Variants in SHISA6 observed in about 807,000 individuals in gnomAD.
The protein encoded by SHISA6 is shisa family member 6.
Under a neutral mutation model 47.9 loss-of-function variants are expected in SHISA6, and 22 were observed. The observed-to-expected ratio is 0.46, with a 90% CI of 0.33 to 0.66. The LOEUF is 0.66. Among genes scored for constraint, SHISA6 ranks in the 30% least tolerant of loss-of-function variants. SHISA6 has a pLI of 0.02. For synonymous variants in SHISA6, 388 were observed against 337.8 expected, an observed-to-expected ratio of 1.15 and a Z score of -1.63; for missense variants, 680 against 764.6, an observed-to-expected ratio of 0.89 and a Z score of 1.30.
chr17:11,352,536 C>T (rs2142221975), intron 2 of SHISA6, among the ~76,000 whole-genome samples: 1 of 152,292 alleles, frequency 6.6e-6, no homozygotes, highest in Admixed American at 6.5e-5. Context: ...TGTGAGCTTT[C>T]AGCAGTGGAG....
At chr17:11,460,771 G>A (rs945977779) in intron 3 of SHISA6, among the ~76,000 whole-genome samples, 2 of 152,198 alleles carry the variant, frequency 1.3e-5, no homozygotes, top group African/African-American at 4.8e-5. Context: ...ATTGGGGCCT[G>A]AGACATTGAG....
At chr17:11,361,114 A>T (rs891744632) in intron 2 of SHISA6, among the ~76,000 whole-genome samples, 2 of 151,536 alleles carry the variant, frequency 1.3e-5, no homozygotes, top group Non-Finnish European at 2.9e-5. Context: ...TAATTATCAT[A>T]GCCTTACGTC....
At chr17:11,333,253 A>G (rs998124536) in intron 2 of SHISA6, among the ~76,000 whole-genome samples, 1 of 152,166 alleles carries the variant, frequency 6.6e-6, no homozygotes, top group African/African-American at 2.4e-5. Context: ...GTGTGGAACT[A>G]TAAGAAATAG....
intron 3 of SHISA6, among the ~76,000 whole-genome samples, chr17:11,433,124 C>A (rs539438242): frequency 1.4e-4 from 21 of 152,242 alleles, no homozygotes; most frequent in African/African-American, 4.8e-4. Flanking sequence ...GGTACATGCG[C>A]AGAATGTGCA....
chr17:11,339,949 T>C (rs900463050), intron 2 of SHISA6, among the ~76,000 whole-genome samples: 1 of 152,134 alleles, frequency 6.6e-6, no homozygotes, highest in Non-Finnish European at 1.5e-5. Context: ...GAATTGGTAC[T>C]AAAGGAGGAC....
chr17:11,296,911 A>T (rs1020170046), intron 2 of SHISA6, among the ~76,000 whole-genome samples: 7 of 152,180 alleles, frequency 4.6e-5, no homozygotes, highest in Admixed American at 2.6e-4. Flanking sequence ...GTGTAAAGCC[A>T]TGGAGGGGCT....
At chr17:11,515,682 T>C (rs909346741) in intron 3 of SHISA6, among the ~76,000 whole-genome samples, 1 of 151,988 alleles carries the variant, frequency 6.6e-6, no homozygotes, top group African/African-American at 2.4e-5. Flanking sequence ...TCCATGTGGG[T>C]CAGACGCTGA....
chr17:11,378,013 C>A (rs1912867800), intron 2 of SHISA6, among the ~76,000 whole-genome samples: 1 of 152,326 alleles, frequency 6.6e-6, no homozygotes, highest in African/African-American at 2.4e-5. Flanking sequence ...AGGTTTTAAG[C>A]CCCACATGCA....
intron 2 of SHISA6, among the ~76,000 whole-genome samples, chr17:11,291,994 G>A (rs767983061): frequency 1.3e-4 from 20 of 152,106 alleles, no homozygotes; most frequent in Non-Finnish European, 1.8e-4. Context: ...GGACATATGC[G>A]TTACCTCACA....
intron 2 of SHISA6, among the ~76,000 whole-genome samples, chr17:11,341,580 C>T (rs1218030837): frequency 1.3e-5 from 2 of 152,004 alleles, no homozygotes; most frequent in African/African-American, 2.4e-5. Context: ...AGTGATCTCC[C>T]GCCTCAGCCT....
At chr17:11,557,722 T>C (rs2071994883) in intron 5 of SHISA6, 32 bp from the exon 6 acceptor site, 5 of 1,506,860 alleles carry the variant, frequency 3.3e-6, no homozygotes, top group East Asian at 2.5e-5. Context: ...GTCACCCCAG[T>C]TGCCTTCTCT....
intron 3 of SHISA6, among the ~76,000 whole-genome samples, chr17:11,455,580 C>T (rs1391436384): frequency 6.6e-6 from 1 of 152,116 alleles, no homozygotes; most frequent in Admixed American, 6.6e-5. Context: ...GAGCGTCACA[C>T]CCAAATGGCA....
At chr17:11,411,752 G>A (rs1157293719) in intron 3 of SHISA6, among the ~76,000 whole-genome samples, 1 of 152,168 alleles carries the variant, frequency 6.6e-6, no homozygotes, top group East Asian at 1.9e-4. Flanking sequence ...GGCTGGCATG[G>A]AGAACCTCTG....
chr17:11,554,747 TCTGTGAAGCA>T (rs1270981383), intron 4 of SHISA6, among the ~76,000 whole-genome samples: 3 of 152,048 alleles, frequency 2.0e-5, no homozygotes, highest in South Asian at 4.2e-4. Flanking sequence ...CCTCCTCAAG[TCTGTGAAGCA>T]CTGAGGCATG....
rs183805797 is a variant in SHISA6 at position 11,403,205 on chromosome 17, T to C, written c.895+23696T>C. On this transcript the variant is annotated intron_variant, in intron 3 of 5. Transcript: ENST00000441885. ...ATCCTTTCCAATAAATGTACATGAT[T>C]AGAATCACTCAAGTTTTTAGGGAGT... Among the ~76,000 whole-genome samples, 231 of 152,326 alleles carry C rather than the reference T, an allele frequency of 1.5e-3. 1 individual carries two copies. Among genetic ancestry groups the C allele is most frequent in the Non-Finnish European group, 2.5e-3 (169 of 68,034 alleles).
intron 3 of SHISA6, among the ~76,000 whole-genome samples, chr17:11,423,604 CA>C (rs1363616126): frequency 6.6e-6 from 1 of 151,480 alleles, no homozygotes; most frequent in African/African-American, 2.4e-5. Flanking sequence ...TCAGTAGAAG[CA>C]AAAGCAGAAA....
chr17:11,296,157 A>G (rs1414663382), intron 2 of SHISA6, among the ~76,000 whole-genome samples: 2 of 152,092 alleles, frequency 1.3e-5, no homozygotes, highest in Non-Finnish European at 2.9e-5. Flanking sequence ...AGAATTATAC[A>G]TGCTGCAGGA....
chr17:11,452,189 T>C (rs1915417526), intron 3 of SHISA6, among the ~76,000 whole-genome samples: 1 of 152,246 alleles, frequency 6.6e-6, no homozygotes, highest in Admixed American at 6.5e-5. Context: ...AAGCAATTAA[T>C]CCAGGTCTCC....
In SHISA6 at chr17:11,430,956, A is replaced by T. The variant is rs149364178; in HGVS notation, c.895+51447A>T. ...ACATCAGAGCAGCTTGTCACGGAGG[A>T]GCCTTTGTGGCTGGAATGGGCATTT... On this transcript the variant is annotated intron_variant, in intron 3 of 5. Transcript: ENST00000441885. Among the ~76,000 whole-genome samples the T allele has an allele frequency of 5.4e-3, 816 of 152,262 alleles. 7 individuals carry two copies. Among genetic ancestry groups the T allele is most frequent in the Middle Eastern group, 0.014 (4 of 294 alleles).
Sources: allele counts gnomAD v4.1 joint callset (sites outside exome capture counted in the v4.1 genomes callset), GRCh38; gene constraint gnomAD v4.1.1; transcripts MANE v1.5; gene names NCBI Gene and HGNC (gene_info 2026-07-23, HGNC 2026-07-21).